BRWD3: variants seen among roughly 807,000 people sequenced by gnomAD.
BRWD3 encodes the protein bromodomain and WD repeat-containing protein 3.
Under a neutral mutation model 149.7 loss-of-function variants are expected in BRWD3, and 10 were observed. That is an observed-to-expected ratio of 0.07 (90% CI 0.04 to 0.11). The LOEUF is 0.11. Among genes scored for constraint, BRWD3 ranks in the 10% least tolerant of loss-of-function variants. BRWD3 has a pLI of 1.00. For synonymous variants in BRWD3, 504 were observed against 456.7 expected (o/e 1.10, Z -1.32); for missense variants, 940 against 1,373.2 (o/e 0.68, Z 4.99).
intron 12 of BRWD3, among the ~76,000 whole-genome samples, chrX:80,730,784 C>T (rs2073319338): frequency 8.9e-6 from 1 of 112,212 alleles, no homozygotes; most frequent in Non-Finnish European, 1.9e-5. Context: ...CAGACATACA[C>T]ACTTCAATAT....
Position 80,686,031 on chromosome X carries a change from A to C in BRWD3, c.4006-495T>G, listed in dbSNP as rs755559222. On this transcript the variant is annotated intron_variant, in intron 35 of 40. Coordinates refer to ENST00000373275, the MANE Select transcript of BRWD3 (RefSeq NM_153252.5). ...GTCCCTACAAAGGACATGAACTCAT[A>C]ATTTTTTATGGCTGCATAGTATTCC... Among the ~76,000 whole-genome samples, 9 of 111,408 alleles carry C rather than the reference A, an allele frequency of 8.1e-5. No homozygotes were observed. The South Asian group carries it at 1.1e-3, about 14-fold the overall frequency.
intron 6 of BRWD3, among the ~76,000 whole-genome samples, chrX:80,756,269 A>T (rs1418250939): frequency 9.1e-6 from 1 of 110,067 alleles, no homozygotes; most frequent in Non-Finnish European, 1.9e-5. Flanking sequence ...TGGGAGGGTG[A>T]GGTGGGCAGA....
At chrX:80,789,746 G>A (rs4826028) in intron 6 of BRWD3, among the ~76,000 whole-genome samples, 9,310 of 110,134 alleles carry the variant, frequency 0.085, 373 homozygotes, top group South Asian at 0.19. Flanking sequence ...GAAAAGCTAC[G>A]AAAAGTACAC....
chrX:80,808,691 G>C (rs961022212), intron 3 of BRWD3, 93 bp from the exon 4 acceptor site: 2 of 719,795 alleles, frequency 2.8e-6, no homozygotes, highest in South Asian at 2.2e-5. Flanking sequence ...CTGTGTCCCA[G>C]TCCTCAACAC....
intron 27 of BRWD3, among the ~76,000 whole-genome samples, chrX:80,693,622 T>C (rs1340092903): frequency 8.9e-6 from 1 of 111,903 alleles, no homozygotes; most frequent in African/African-American, 3.3e-5. Context: ...CATGCTATGC[T>C]ATAATAAAGA....
At chrX:80,734,976 C>A in intron 10 of BRWD3, 151 bp downstream of exon 10, 1 of 488,138 alleles carries the variant, frequency 2.0e-6, no homozygotes, top group Non-Finnish European at 3.5e-6. Flanking sequence ...TACTTAGAGT[C>A]CAAAAGAGTT....
chrX:80,707,553 T>C, intron 21 of BRWD3, 50 bp from the exon 22 acceptor site: 1 of 1,106,764 alleles, frequency 9.0e-7, no homozygotes, highest in Non-Finnish European at 1.2e-6. Flanking sequence ...CCAGCTAATG[T>C]ATTTCTAATT....
chrX:80,693,138 G>A, intron 27 of BRWD3, 87 bp from the exon 28 acceptor site: 2 of 703,578 alleles, frequency 2.8e-6, no homozygotes, highest in East Asian at 3.2e-5. Context: ...GTTGACAACA[G>A]AAGTACTGTA....
chrX:80,751,627 T>C (rs913022245), intron 6 of BRWD3, among the ~76,000 whole-genome samples: 5 of 111,936 alleles, frequency 4.5e-5, no homozygotes, highest in South Asian at 3.7e-4. Flanking sequence ...AAAGATTGCA[T>C]AGTGGTCAAG....
chrX:80,767,168 C>G (rs891320063), intron 6 of BRWD3, among the ~76,000 whole-genome samples: 2 of 112,319 alleles, frequency 1.8e-5, no homozygotes, highest in Non-Finnish European at 3.8e-5. Context: ...AGGTAAACCT[C>G]CCTGTCTGAC....
At chrX:80,776,672 G>C (rs2074003088) in intron 6 of BRWD3, among the ~76,000 whole-genome samples, 1 of 111,699 alleles carries the variant, frequency 9.0e-6, no homozygotes, top group African/African-American at 3.3e-5. Context: ...TCATGTGGCA[G>C]TTGTAAAATA....
At chrX:80,735,076 C>T in intron 10 of BRWD3, 51 bp downstream of exon 10, 2 of 1,032,877 alleles carry the variant, frequency 1.9e-6, no homozygotes, top group Non-Finnish European at 2.7e-6. Context: ...ACTTTCACAA[C>T]TGGATCGTTA....
rs1191783141 is a variant in BRWD3, at chrX:80,712,481, C to T, written c.2326-2904G>A. Among the ~76,000 whole-genome samples the T allele has an allele frequency of 1.9e-3, 209 of 110,309 alleles. 1 individual carries two copies. The highest frequency in any genetic ancestry group is 6.5e-3 in the African/African-American group (198 of 30,267). On this transcript the variant is annotated intron_variant, in intron 20 of 40. Transcript: ENST00000373275. ...TGGTGCCCAGGCTGGAGTGCAGTGG[C>T]GTGATCTCGGCTCGCTACAACCTCC...
At chrX:80,710,747 A>G in intron 20 of BRWD3, 1 of 510,536 alleles carries the variant, frequency 2.0e-6, no homozygotes, top group Non-Finnish European at 3.5e-6. Context: ...CAAATATGTA[A>G]TAATGCTGGA....
chrX:80,712,883 G>A (rs1444579628), intron 20 of BRWD3, among the ~76,000 whole-genome samples: 1 of 93,345 alleles, frequency 1.1e-5, no homozygotes, highest in Non-Finnish European at 2.3e-5. Context: ...CAACTGCCCC[G>A]TCTGAGAAGT....
intron 4 of BRWD3, among the ~76,000 whole-genome samples, chrX:80,802,450 A>AT (rs1176955510): frequency 1.7e-4 from 18 of 104,508 alleles, no homozygotes; most frequent in African/African-American, 6.6e-4. Flanking sequence ...CTTAAAAAAA[A>AT]AAAAAAAAAA....
chrX:80,741,737 G>A (rs1481547835), intron 8 of BRWD3, among the ~76,000 whole-genome samples: 2 of 111,602 alleles, frequency 1.8e-5, no homozygotes, highest in African/African-American at 3.3e-5. Context: ...CATATCCTTC[G>A]CCTACTTTTT....
intron 40 of BRWD3, 144 bp downstream of exon 40, chrX:80,681,197 C>T: frequency 1.8e-6 from 1 of 544,830 alleles, no homozygotes; most frequent in Non-Finnish European, 2.9e-6. Context: ...ATATGAAATG[C>T]CATCTGACTC....
rs1173136027 is a variant in BRWD3, at chrX:80,682,586, G to C, written c.4276C>G (p.His1426Asp). ...TATTCAGAGATGATATTTTTGATAT[G>C]ACTTTCAAATAAGGCAGATAATCGC... is the stretch of plus-strand genomic sequence containing the variant. ...MLRLSALFES[H>D]IKNIISEYKS... The change falls in exon 38 of 41, where the codon CAT becomes GAT. Residue 1426 changes from histidine (H) to aspartate (D), a missense_variant. Around this residue, in one of 6 missense-constraint regions of BRWD3, gnomAD observed 349 missense variants for 419.6 expected, o/e 0.83. Transcript: ENST00000373275. The C allele has an allele frequency of 8.3e-7, 1 of 1,207,378 alleles. No homozygotes were observed. The highest frequency in any genetic ancestry group is 1.1e-6 in the Non-Finnish European group (1 of 893,259).
Sources: gnomAD v4.1 joint callset for allele counts (sites outside exome capture counted in the v4.1 genomes callset) on GRCh38, gnomAD v4.1.1 for gene constraint, gnomAD v4.1.1 regional missense constraint, MANE v1.5 for transcripts, NCBI Gene and HGNC (gene_info 2026-07-23, HGNC 2026-07-21) for gene names.